Variants in CCDC138 observed in about 807,000 individuals in gnomAD.
CCDC138 encodes the protein coiled-coil domain containing 138.
A neutral mutation model predicts 82.3 loss-of-function variants in CCDC138; 66 were observed. That is an observed-to-expected ratio of 0.80 (90% CI 0.66 to 0.98). The LOEUF (loss-of-function observed/expected upper bound fraction) is 0.98. Ranked by LOEUF, CCDC138 falls within the 50% of genes least tolerant of loss-of-function variation. CCDC138 has a pLI of 0.00. For synonymous variants in CCDC138, 297 were observed against 265.4 expected, an observed-to-expected ratio of 1.12 and a Z score of -1.16; for missense variants, 816 against 758.9, an observed-to-expected ratio of 1.08 and a Z score of -0.88.
intron 13 of CCDC138, among the ~76,000 whole-genome samples, chr2:108,867,994 A>G (rs140885444): frequency 1.3e-5 from 2 of 152,338 alleles, no homozygotes; most frequent in African/African-American, 4.8e-5. Context: ...TATCTGAGGA[A>G]CTTGGATTCT....
intron 3 of CCDC138, among the ~76,000 whole-genome samples, chr2:108,790,497 T>C (rs1282230408): frequency 6.6e-6 from 1 of 152,138 alleles, no homozygotes; most frequent in Non-Finnish European, 1.5e-5. Flanking sequence ...AATTGAGATA[T>C]GCTGTAAGTG....
Position 108,856,913 on chromosome 2 carries a change from A to C in CCDC138, c.1636A>C (p.Ser546Arg). ...AATATTAAGTCATCTAAGAATATCC[A>C]GTAAAGGACTCCTGTCTAATGTTAT... ...PVILSHLRIS[S>R]KGLLSNVIDS... The change falls in exon 13 of 15, where the codon AGT becomes CGT. Residue 546 changes from serine (S) to arginine (R), a missense_variant. Physicochemically the swap from Ser to Arg is moderately radical, Grantham distance 110. Transcript: ENST00000295124. The C allele has an allele frequency of 6.2e-7, 1 of 1,613,336 alleles. No individual in the cohort carries two copies. The highest frequency in any genetic ancestry group is 8.5e-7 in the Non-Finnish European group (1 of 1,179,660).
At chr2:108,811,245 C>CTTTTTT (rs144518921) in intron 7 of CCDC138, among the ~76,000 whole-genome samples, 1,429 of 109,528 alleles carry the variant, frequency 0.013, 150 homozygotes, top group African/African-American at 0.038. Context: ...CTTTCTCTCT[C>CTTTTTT]TCTTTTTTTT....
At chr2:108,809,448 T>G (rs1056209455) in intron 7 of CCDC138, among the ~76,000 whole-genome samples, 2 of 141,138 alleles carry the variant, frequency 1.4e-5, no homozygotes, top group Admixed American at 7.1e-5. Context: ...ACATGAAATG[T>G]TGTGTGTGTG....
At chr2:108,815,075 C>CT (rs1684529107) in intron 9 of CCDC138, among the ~76,000 whole-genome samples, 1 of 152,022 alleles carries the variant, frequency 6.6e-6, no homozygotes, top group African/African-American at 2.4e-5. Flanking sequence ...TTATAAATTA[C>CT]TTTGTTATTT....
chr2:108,826,159 T>G (rs1038048221), intron 10 of CCDC138, among the ~76,000 whole-genome samples: 10 of 152,212 alleles, frequency 6.6e-5, no homozygotes, highest in African/African-American at 2.2e-4. Flanking sequence ...TCAAGATGGA[T>G]GTACCTTATC....
chr2:108,876,044 C>G (rs770155906), intron 14 of CCDC138, 44 bp from the exon 15 acceptor site: 1 of 1,312,850 alleles, frequency 7.6e-7, no homozygotes, highest in Non-Finnish European at 1.1e-6. Flanking sequence ...CAGATAAACT[C>G]TCTAAGTATG....
chr2:108,794,700 T>C lies in CCDC138; in HGVS notation c.555T>C (p.Phe185=). The C allele has an allele frequency of 1.9e-6, 3 of 1,612,748 alleles. No individual in the cohort carries two copies. The highest frequency in any genetic ancestry group is 3.3e-4 in the Middle Eastern group (2 of 6,060). The stretch of plus-strand genomic sequence containing the variant: ...TCAGTCAGATATATGACGAATTATT[T>C]CAGATACATCTGAAATTGCAGGTAA... ...HQISQIYDEL[F]QIHLKLQCET... Residue 185 remains phenylalanine (F), a synonymous_variant, in exon 5 of 15, where the codon TTT becomes TTC. Transcript: ENST00000295124.
At chr2:108,806,371 G>A (rs935873669) in intron 7 of CCDC138, among the ~76,000 whole-genome samples, 2 of 152,226 alleles carry the variant, frequency 1.3e-5, no homozygotes, top group African/African-American at 4.8e-5. Context: ...GCATGAGTGT[G>A]TGGTAATTGG....
At chr2:108,880,652 C>T (rs1391243899), downstream of CCDC138, among the ~76,000 whole-genome samples, 1 of 152,158 alleles carries the variant, frequency 6.6e-6, no homozygotes, top group African/African-American at 2.4e-5. Flanking sequence ...CCTGCCTGTA[C>T]TCTATAAATG....
chr2:108,877,428 T>C (rs1696105427), downstream of CCDC138, among the ~76,000 whole-genome samples: 1 of 152,072 alleles, frequency 6.6e-6, no homozygotes. Context: ...ATCACGCCAT[T>C]GCACTCCAGC....
At chr2:108,881,550 C>T (rs535018356), downstream of CCDC138, among the ~76,000 whole-genome samples, 1 of 152,322 alleles carries the variant, frequency 6.6e-6, no homozygotes, top group East Asian at 1.9e-4. Flanking sequence ...CACAAGAGGC[C>T]TAGCTTTCAG....
intron 12 of CCDC138, among the ~76,000 whole-genome samples, chr2:108,854,039 T>TATA (rs1558738702): frequency 1.2e-4 from 7 of 56,156 alleles, no homozygotes; most frequent in African/African-American, 4.3e-4. Flanking sequence ...TTATATATAA[T>TATA]ATATAATAAA....
intron 12 of CCDC138, among the ~76,000 whole-genome samples, chr2:108,847,374 T>C (rs1040413234): frequency 6.6e-6 from 1 of 152,164 alleles, no homozygotes; most frequent in Admixed American, 6.5e-5. Context: ...CAGAGTTGAG[T>C]AGTTGGCAGC....
chr2:108,864,761 T>C (rs1415196180), intron 13 of CCDC138, among the ~76,000 whole-genome samples: 2 of 140,072 alleles, frequency 1.4e-5, no homozygotes, highest in African/African-American at 2.7e-5. Context: ...GCCTCTGCAC[T>C]CCAGCCTGGG....
At chr2:108,817,470 T>G (rs1254053800) in intron 10 of CCDC138, among the ~76,000 whole-genome samples, 3 of 152,024 alleles carry the variant, frequency 2.0e-5, no homozygotes, top group African/African-American at 7.2e-5. Context: ...TTTTTGTATT[T>G]TTAGTAGAGA....
At chr2:108,818,152 A>G (rs959014586) in intron 10 of CCDC138, among the ~76,000 whole-genome samples, 14 of 152,140 alleles carry the variant, frequency 9.2e-5, no homozygotes, top group African/African-American at 3.4e-4. Context: ...CAAAAAATAC[A>G]AAAGTTAGCC....
chr2:108,789,024 A>G (rs1208440685), intron 3 of CCDC138, 58 bp downstream of exon 3: 3 of 1,576,664 alleles, frequency 1.9e-6, no homozygotes, highest in African/African-American at 1.4e-5. Flanking sequence ...AAAACTGAGA[A>G]AGAGAAAAGG....
chr2:108,803,159 A>G (rs907427872), intron 6 of CCDC138, among the ~76,000 whole-genome samples: 12 of 152,180 alleles, frequency 7.9e-5, no homozygotes, highest in African/African-American at 2.9e-4. Flanking sequence ...GTTAGCCAAG[A>G]CTTAGGTAAT....
Sources: allele counts gnomAD v4.1 joint callset (sites outside exome capture counted in the v4.1 genomes callset), GRCh38; gene constraint gnomAD v4.1.1; transcripts MANE v1.5; gene names NCBI Gene and HGNC (gene_info 2026-07-23, HGNC 2026-07-21).